The following TUBB4A variants were observed in gnomAD, a reference collection of about 807,000 sequenced individuals.
TUBB4A encodes the protein tubulin beta-4A chain.
TUBB4A carries 13 observed loss-of-function variants against 35.1 expected under a neutral mutation model. That is an observed-to-expected ratio of 0.37 (90% CI 0.24 to 0.59). The LOEUF (loss-of-function observed/expected upper bound fraction) is 0.59. TUBB4A is among the 20% of genes least tolerant of loss of function. The probability of loss-of-function intolerance (pLI) is 0.71; values close to 1 mark genes in which losing one functional copy is unlikely to be tolerated. For synonymous variants in TUBB4A, 279 were observed against 272.4 expected, an observed-to-expected ratio of 1.02 and a Z score of -0.24; for missense variants, 299 against 647.2, an observed-to-expected ratio of 0.46 and a Z score of 5.84.
intron 3 of TUBB4A, among the ~76,000 whole-genome samples, chr19:6,497,033 AT>A: frequency 3.4e-5 from 1 of 29,308 alleles, no homozygotes; most frequent in Non-Finnish European, 6.0e-5. Flanking sequence ...AAATATATAT[AT>A]ATATATATAT....
chr19:6,498,664 C>G (rs769755074), intron 3 of TUBB4A, among the ~76,000 whole-genome samples: 45 of 152,190 alleles, frequency 3.0e-4, no homozygotes, highest in Non-Finnish European at 5.4e-4. Context: ...ATTCACCTGA[C>G]TTTTTCCTCA....
chr19:6,502,120 C>T, intron 1 of TUBB4A, 36 bp downstream of exon 1: 1 of 1,535,528 alleles, frequency 6.5e-7, no homozygotes, highest in East Asian at 2.5e-5. Flanking sequence ...CTCCCCGGGG[C>T]CGCCACTGCC....
chr19:6,500,467 A>G (rs551389915), intron 3 of TUBB4A: 1 of 152,180 alleles, frequency 6.6e-6, no homozygotes, highest in Non-Finnish European at 1.5e-5. Context: ...AGGCCGGGCA[A>G]GGTGGCTCAT....
Position 6,496,137 on chromosome 19 carries a change from C to T in TUBB4A, c.362G>A (p.Arg121Gln), listed in dbSNP as rs1472127260. The change falls in exon 4 of 4, where the codon CGG (arginine) becomes CAG (glutamine). Residue 121 changes from arginine to glutamine, a missense_variant. Around this residue, in one of 5 missense-constraint regions of TUBB4A, gnomAD observed 123 missense variants for 226.0 expected, o/e 0.54. Coordinates refer to ENST00000264071, the MANE Select transcript of TUBB4A (RefSeq NM_006087.4). Reference protein sequence around the residue: ...ELVDAVLDVVRKEAESCDCLQ... With the variant: ...ELVDAVLDVVQKEAESCDCLQ... ...GCAGTCGCAGCTCTCGGCCTCCTTC[C>T]GGACTACGTCCAGGACAGCGTCCAC... is the stretch of plus-strand genomic sequence containing the variant. 5 of 1,614,198 alleles carry T rather than the reference C, an allele frequency of 3.1e-6. No individual in the cohort carries two copies. The highest frequency in any genetic ancestry group is 1.1e-5 in the South Asian group (1 of 91,080).
In TUBB4A at chr19:6,501,111, A is replaced by G. The variant is rs891515125; in HGVS notation, c.277+176T>C. 1.7e-6 allele frequency: 1 copy of G among 581,252 alleles called. No homozygotes were observed. Among genetic ancestry groups the G allele is most frequent in the African/African-American group, 1.9e-5 (1 of 53,490 alleles). 36.0% of individuals were successfully genotyped at this position (581,252 alleles called of 1,614,324 possible). ...ATCCTTCTCTGTATCCGCCCTCCTCAGGGCTCTCACAGTGGCCTGAGCATC... is the reference window on the plus strand; with the variant it reads ...ATCCTTCTCTGTATCCGCCCTCCTCGGGGCTCTCACAGTGGCCTGAGCATC... On this transcript the variant is annotated intron_variant, in intron 3 of 3. Transcript: ENST00000264071. The surrounding 1 kb of genome is among the most constrained non-coding windows in gnomAD (Gnocchi z 4.2).
chr19:6,497,316 C>T (rs1242901277), intron 3 of TUBB4A, among the ~76,000 whole-genome samples: 2 of 151,338 alleles, frequency 1.3e-5, no homozygotes, highest in Non-Finnish European at 2.9e-5. Flanking sequence ...GGCTGGAGTA[C>T]AGAGGTGCAA....
Position 6,495,088 on chromosome 19 carries a change from G to A in TUBB4A, c.*76C>T. ...GCCTTGGAGGGAAAGCGGGGCTCTA[G>A]GGTTCAGAGATGGGGGGCCTAGCGG... On this transcript the variant is annotated 3_prime_UTR_variant, in exon 4 of 4. Coordinates refer to ENST00000264071, the MANE Select transcript of TUBB4A (RefSeq NM_006087.4). The surrounding 1 kb of genome is among the most constrained non-coding windows in gnomAD (Gnocchi z 8.7). The A allele has an allele frequency of 6.5e-7, 1 of 1,550,304 alleles. No individual in the cohort carries two copies. Among genetic ancestry groups the A allele is most frequent in the Non-Finnish European group, 8.8e-7 (1 of 1,137,854 alleles).
In TUBB4A at chr19:6,495,183, GCCT is replaced by G; in HGVS notation, c.1313_1315del (p.Glu438del). The stretch of plus-strand genomic sequence containing the variant: ...AGCAGCCTAGGCCACCTCCTCCTCC[GCCT>G]CCTCCTCGAACTCGCCCTCCTCGGC... On this transcript the variant is annotated inframe_deletion, in exon 4 of 4. Transcript: ENST00000264071. This position sits in a 1 kb window ranked among gnomAD's most constrained non-coding sequence, Gnocchi z 8.7. 2 of 1,613,802 alleles carry G rather than the reference GCCT, an allele frequency of 1.2e-6. No individual in the cohort carries two copies. The highest frequency in any genetic ancestry group is 1.1e-5 in the South Asian group (1 of 91,058).
intron 3 of TUBB4A, among the ~76,000 whole-genome samples, chr19:6,497,898 C>CAAAAAAAAAA (rs1179837262): frequency 1.4e-4 from 6 of 42,250 alleles, no homozygotes; most frequent in Non-Finnish European, 2.0e-4. Context: ...GACTCCGTCT[C>CAAAAAAAAAA]AAAAAAAAAA....
At chr19:6,500,300 A>C (rs779920994) in intron 3 of TUBB4A, among the ~76,000 whole-genome samples, 1 of 150,430 alleles carries the variant, frequency 6.6e-6, no homozygotes, top group Non-Finnish European at 1.5e-5. Context: ...AGCTAATTAA[A>C]ATTTTTTTCT....
intron 1 of TUBB4A, 125 bp downstream of exon 1, chr19:6,502,031 C>T (rs1914557524): frequency 2.8e-6 from 3 of 1,075,312 alleles, no homozygotes; most frequent in Non-Finnish European, 3.8e-6. Context: ...GCCCCTGGGG[C>T]GCGCTGGCCT....
At chr19:6,502,365 G>T, upstream of TUBB4A, 1 of 821,246 alleles carries the variant, frequency 1.2e-6, no homozygotes. Flanking sequence ...CGTCACGGCC[G>T]GTCACCCTCC....
Position 6,501,190 on chromosome 19 carries a change from T to C in TUBB4A, c.277+97A>G, listed in dbSNP as rs1914511701. 2.0e-6 allele frequency: 2 copies of C among 1,012,098 alleles called. No individual in the cohort carries two copies. The highest frequency in any genetic ancestry group is 2.9e-6 in the Non-Finnish European group (2 of 681,252). The allele number at this position is 1,012,098 out of a possible 1,614,324, so 62.7% of individuals were successfully genotyped here. ...GGTGCCTGGTGCCCTGTCCACCCCA[T>C]CTCTGGTCTGTGGGCCCCGGTGGTG... is the stretch of plus-strand genomic sequence containing the variant. On this transcript the variant is annotated intron_variant, in intron 3 of 3. Coordinates refer to ENST00000264071, the MANE Select transcript of TUBB4A (RefSeq NM_006087.4). The surrounding 1 kb of genome is among the most constrained non-coding windows in gnomAD (Gnocchi z 4.2).
rs199569370 is a variant in TUBB4A at position 6,495,183 on chromosome 19, G to A, written c.1316C>T (p.Ala439Val). Residue 439 changes from alanine (A) to valine (V), a missense_variant, in exon 4 of 4, where the codon GCG becomes GTG. Physicochemically the swap from Ala to Val is moderately conservative, Grantham distance 64. Transcript: ENST00000264071. The surrounding 1 kb of genome is among the most constrained non-coding windows in gnomAD (Gnocchi z 8.7). ...TAEEGEFEEEAEEEVA is the reference protein window; with the variant it reads ...TAEEGEFEEEVEEEVA ...AGCAGCCTAGGCCACCTCCTCCTCC[G>A]CCTCCTCCTCGAACTCGCCCTCCTC... 34 of 1,613,684 alleles carry A rather than the reference G, an allele frequency of 2.1e-5. No homozygotes were observed. The highest frequency in any genetic ancestry group is 6.6e-5 in the South Asian group (6 of 91,062).
chr19:6,497,805 C>A (rs950427293), intron 3 of TUBB4A, among the ~76,000 whole-genome samples: 5 of 144,778 alleles, frequency 3.5e-5, no homozygotes, highest in Non-Finnish European at 7.5e-5. Context: ...AGGTGGCGGG[C>A]GCCTGTAGTC....
intron 3 of TUBB4A, among the ~76,000 whole-genome samples, chr19:6,499,798 ATT>A (rs555937850): frequency 1.4e-4 from 20 of 143,654 alleles, no homozygotes; most frequent in African/African-American, 1.8e-4. Context: ...AAGCTTCACA[ATT>A]TTTTTTTTTT....
Position 6,501,106 on chromosome 19 carries a change from T to C in TUBB4A, c.277+181A>G, listed in dbSNP as rs1051955925. 1.1e-5 allele frequency: 6 copies of C among 569,076 alleles called. No individual in the cohort carries two copies. Among genetic ancestry groups the C allele is most frequent in the East Asian group, 8.6e-5 (3 of 34,726 alleles). 35.3% of individuals were successfully genotyped at this position (569,076 alleles called of 1,614,324 possible). ...CCTGAATCCTTCTCTGTATCCGCCC[T>C]CCTCAGGGCTCTCACAGTGGCCTGA... On this transcript the variant is annotated intron_variant, in intron 3 of 3. Transcript: ENST00000264071. The surrounding 1 kb of genome is among the most constrained non-coding windows in gnomAD (Gnocchi z 4.2).
chr19:6,497,130 T>C (rs1199781339), intron 3 of TUBB4A, among the ~76,000 whole-genome samples: 1 of 135,442 alleles, frequency 7.4e-6, no homozygotes, highest in Admixed American at 7.9e-5. Flanking sequence ...AGGTGGGAGA[T>C]TGCTTGAGCC....
rs73920690 is a variant in TUBB4A, at chr19:6,494,464, A to T, written c.*700T>A. The T allele has an allele frequency of 0.033, 4,820 of 147,780 alleles. 153 individuals carry two copies. Among genetic ancestry groups the T allele is most frequent in the African/African-American group, 0.088 (3,504 of 39,722 alleles). The allele number at this position is 147,780 out of a possible 1,614,324, so 9.2% of individuals were successfully genotyped here. ...CGGCAGGGGCTGAGGGGAGTGAGGC[A>T]GGGAGGATGCATGGGGCCTGTGGGA... On this transcript the variant is annotated 3_prime_UTR_variant, in exon 4 of 4. Coordinates refer to ENST00000264071, the MANE Select transcript of TUBB4A (RefSeq NM_006087.4).
Sources: allele counts gnomAD v4.1 joint callset (sites outside exome capture counted in the v4.1 genomes callset), GRCh38; gene constraint gnomAD v4.1.1; regional missense constraint gnomAD v4.1.1; non-coding constraint Gnocchi (gnomAD v3.1); transcripts MANE v1.5; gene names NCBI Gene and HGNC (gene_info 2026-07-23, HGNC 2026-07-21).